Variants in SEC62 observed in about 807,000 individuals in gnomAD.
The protein encoded by SEC62 is SEC62 preprotein translocation factor, also known as translocation protein SEC62.
A neutral mutation model predicts 47.5 loss-of-function variants in SEC62; 10 were observed. The ratio of observed to expected loss-of-function variants is 0.21; its 90% CI spans 0.13 to 0.36. The LOEUF is 0.36. Among genes scored for constraint, SEC62 ranks in the 10% least tolerant of loss-of-function variants. The pLI, the probability that SEC62 is intolerant of heterozygous loss-of-function variation, is 1.00. For missense variants in SEC62, 327 were observed against 464.1 expected (o/e 0.70, Z 2.71); for synonymous variants, 136 against 150.5 (o/e 0.90, Z 0.71).
rs1278262941 is a variant in SEC62 at position 169,992,814 on chromosome 3, A to G, written c.951A>G (p.Lys317=). 2.5e-6 allele frequency: 4 copies of G among 1,614,066 alleles called. No individual in the cohort carries two copies. The highest frequency in any genetic ancestry group is 3.4e-6 in the Non-Finnish European group (4 of 1,180,032). The change falls in exon 8 of 8, where the codon AAA becomes AAG. Residue 317 remains lysine, a synonymous_variant. Transcript: ENST00000337002. This position sits in a 1 kb window ranked among gnomAD's most constrained non-coding sequence, Gnocchi z 4.0. ...SDSEEKSDSE[K]KEDEEGKVGP... is the part of the protein sequence containing the mutation. ...GTGAGGAAAAGTCAGACAGTGAGAAAAAGGAAGATGAGGAGGGGAAAGTAG... is the reference window on the plus strand; with the variant it reads ...GTGAGGAAAAGTCAGACAGTGAGAAGAAGGAAGATGAGGAGGGGAAAGTAG...
rs1416073277 is a variant in SEC62, at chr3:169,997,166, G to A, written c.*4103G>A. On this transcript the variant is annotated 3_prime_UTR_variant, in exon 8 of 8. Coordinates refer to ENST00000337002, the MANE Select transcript of SEC62 (RefSeq NM_003262.4). ...CAGTTAGTTGTGAGTTTCTGAGTAG[G>A]TCCCAATGCGTTTATTTCATTTGTC... 6.6e-6 allele frequency: 1 copy of A among 152,168 alleles called. No homozygotes were observed. Among genetic ancestry groups the A allele is most frequent in the Non-Finnish European group, 1.5e-5 (1 of 68,030 alleles). The allele number at this position is 152,168 out of a possible 1,614,324, so 9.4% of individuals were successfully genotyped here. A position where few individuals can be genotyped will look rare whatever the true frequency, so the allele number is the denominator to read the frequency against.
intron 7 of SEC62, among the ~76,000 whole-genome samples, chr3:169,990,907 G>A (rs1369030453): frequency 2.0e-5 from 3 of 152,034 alleles, no homozygotes; most frequent in East Asian, 1.9e-4. Flanking sequence ...CTTATTTCAG[G>A]CTTTATATGA....
At chr3:169,970,986 C>A (rs1714682826) in intron 1 of SEC62, among the ~76,000 whole-genome samples, 1 of 151,706 alleles carries the variant, frequency 6.6e-6, no homozygotes, top group African/African-American at 2.4e-5. Flanking sequence ...ATCAGGAGAA[C>A]AGTGAAAGTG....
At chr3:169,985,784 G>A (rs368238407) in intron 5 of SEC62, 21 bp from the exon 6 acceptor site, 27 of 1,595,908 alleles carry the variant, frequency 1.7e-5, no homozygotes, top group Admixed American at 1.0e-4. Context: ...TTTAAGCACC[G>A]AGGTTTCTTG....
chr3:169,977,005 G>C lies in SEC62; in HGVS notation c.205G>C (p.Glu69Gln). 6.2e-7 allele frequency: 1 copy of C among 1,611,668 alleles called. No individual in the cohort carries two copies. Among genetic ancestry groups the C allele is most frequent in the Non-Finnish European group, 8.5e-7 (1 of 1,178,420 alleles). ...GTGGGCAAAGGCCAAGAAAGGAGAG[G>C]AAGCTTTATTTACAACCAGGGAGTC... is the stretch of plus-strand genomic sequence containing the variant. ...SKWAKAKKGE[E>Q]ALFTTRESVV... The change falls in exon 3 of 8, where the codon GAA (glutamate) becomes CAA (glutamine). Residue 69 changes from glutamate (E) to glutamine (Q), a missense_variant. This residue lies in a region of SEC62 where 126 missense variants were observed against 161.2 expected (regional missense o/e 0.78). Transcript: ENST00000337002.
chr3:169,987,070 A>G (rs1443361342), intron 6 of SEC62, among the ~76,000 whole-genome samples: 1 of 152,012 alleles, frequency 6.6e-6, no homozygotes, highest in East Asian at 1.9e-4. Flanking sequence ...AAACAGAAAA[A>G]AAAAAAATAG....
chr3:169,972,515 A>C (rs1483981610), intron 1 of SEC62, among the ~76,000 whole-genome samples: 1 of 151,396 alleles, frequency 6.6e-6, no homozygotes, highest in Non-Finnish European at 1.5e-5. Flanking sequence ...ACCAGGGCTC[A>C]GGTGGTCTTC....
At chr3:169,984,966 G>A (rs1715067477) in intron 5 of SEC62, among the ~76,000 whole-genome samples, 1 of 152,090 alleles carries the variant, frequency 6.6e-6, no homozygotes, top group South Asian at 2.1e-4. Flanking sequence ...TGAAGTAGTG[G>A]TTCCCAGCTT....
At position 169,985,794 on chromosome 3, in the gene SEC62, G is replaced by A. The variant is rs1715091821; in HGVS notation, c.550-11G>A. 1 of 1,601,608 alleles carries A rather than the reference G, an allele frequency of 6.2e-7. No homozygotes were observed. Among genetic ancestry groups the A allele is most frequent in the African/African-American group, 1.3e-5 (1 of 74,370 alleles). On this transcript the variant is annotated splice_polypyrimidine_tract_variant and intron_variant, in intron 5 of 7. Transcript: ENST00000337002. ...GAACTTTTAAGCACCGAGGTTTCTT[G>A]ATTCTTCTAGGTGTATGTATGGATC... is the stretch of plus-strand genomic sequence containing the variant.
rs1715323427 is a variant in SEC62, at chr3:169,994,342, C to T, written c.*1279C>T. 1 of 152,570 alleles carries T rather than the reference C, an allele frequency of 6.6e-6. No homozygotes were observed. Among genetic ancestry groups the T allele is most frequent in the South Asian group, 2.1e-4 (1 of 4,826 alleles). The allele number at this position is 152,570 out of a possible 1,614,324, so 9.5% of individuals were successfully genotyped here. ...GAATATTAAATGATTTTTCTTCAGT[C>T]ACAGTGAGAGCATCTTGCTTTGTGG... On this transcript the variant is annotated 3_prime_UTR_variant, in exon 8 of 8. Transcript: ENST00000337002.
intron 1 of SEC62, among the ~76,000 whole-genome samples, chr3:169,970,913 G>T (rs536223253): frequency 6.6e-6 from 1 of 152,274 alleles, no homozygotes; most frequent in African/African-American, 2.4e-5. Context: ...CAAAGAGGGG[G>T]AGGTACTGTA....
intron 1 of SEC62, chr3:169,969,515 GC>G (rs11303790): frequency 0.016 from 5,122 of 325,546 alleles, 272 homozygotes; most frequent in African/African-American, 0.1. Context: ...TTGTTTGGAA[GC>G]CTTTTTCATA....
At chr3:169,967,515 T>A (rs1360093678) in intron 1 of SEC62, among the ~76,000 whole-genome samples, 7 of 152,160 alleles carry the variant, frequency 4.6e-5, no homozygotes, top group Non-Finnish European at 1.5e-5. Flanking sequence ...AACCACAACC[T>A]CGTTGGTGCT....
At chr3:169,971,605 C>G (rs906657100) in intron 1 of SEC62, among the ~76,000 whole-genome samples, 4 of 152,190 alleles carry the variant, frequency 2.6e-5, no homozygotes, top group African/African-American at 7.2e-5. Flanking sequence ...TTGATAGTGC[C>G]TTTACAAAGG....
At chr3:169,969,164 A>T (rs971114891) in intron 1 of SEC62, 7 of 341,064 alleles carry the variant, frequency 2.1e-5, no homozygotes, top group African/African-American at 1.5e-4. Flanking sequence ...GTTTAGAAAG[A>T]TGGTTAATAG....
Position 169,985,862 on chromosome 3 carries a change from C to A in SEC62, c.607C>A (p.Leu203Ile), listed in dbSNP as rs761859410. ...TAAAACATTTGTCATGGGATTAATT[C>A]TTGGTAAGTAGTGAGATGTTAATAG... ...HFKTFVMGLI[L>I]VIAVIAATLF... Residue 203 changes from leucine to isoleucine, a missense_variant, in exon 6 of 8, where the codon CTT becomes ATT. Transcript: ENST00000337002. 2 of 1,608,598 alleles carry A rather than the reference C, an allele frequency of 1.2e-6. No individual in the cohort carries two copies. Among genetic ancestry groups the A allele is most frequent in the Non-Finnish European group, 1.7e-6 (2 of 1,176,094 alleles).
In SEC62 at chr3:169,995,506, A is replaced by G. The variant is rs529794614; in HGVS notation, c.*2443A>G. On this transcript the variant is annotated 3_prime_UTR_variant, in exon 8 of 8. Transcript: ENST00000337002. ...AGGAAGTAATAAATTTTAATATATC[A>G]CATTGAAATTATGCAGTGGTGATGA... is the stretch of plus-strand genomic sequence containing the variant. 2.0e-5 allele frequency: 3 copies of G among 152,302 alleles called. No individual in the cohort carries two copies. Among genetic ancestry groups the G allele is most frequent in the African/African-American group, 7.2e-5 (3 of 41,576 alleles). 9.4% of individuals were successfully genotyped at this position (152,302 alleles called of 1,614,324 possible). A position where few individuals can be genotyped will look rare whatever the true frequency, so the allele number is the denominator to read the frequency against.
At position 169,993,170 on chromosome 3, in the gene SEC62, C is replaced by G; in HGVS notation, c.*107C>G. 1.2e-6 allele frequency: 1 copy of G among 804,026 alleles called. No individual in the cohort carries two copies. The highest frequency in any genetic ancestry group is 2.0e-6 in the Non-Finnish European group (1 of 512,680). 49.8% of individuals were successfully genotyped at this position (804,026 alleles called of 1,614,324 possible). ...CATTTGTAGCATTCTTTAAATCTAT[C>G]TACTGAAATGTATTTGACATTCAAG... On this transcript the variant is annotated 3_prime_UTR_variant, in exon 8 of 8. Coordinates refer to ENST00000337002, the MANE Select transcript of SEC62 (RefSeq NM_003262.4).
At chr3:169,975,096 C>T (rs1001045399) in intron 1 of SEC62, among the ~76,000 whole-genome samples, 2 of 152,058 alleles carry the variant, frequency 1.3e-5, no homozygotes, top group Non-Finnish European at 2.9e-5. Context: ...CCCTAGCCAA[C>T]GTGGCGAAAC....
Sources: gnomAD v4.1 joint callset for allele counts (sites outside exome capture counted in the v4.1 genomes callset) on GRCh38, gnomAD v4.1.1 for gene constraint, gnomAD v4.1.1 regional missense constraint, Gnocchi (gnomAD v3.1) non-coding constraint, MANE v1.5 for transcripts, NCBI Gene and HGNC (gene_info 2026-07-23, HGNC 2026-07-21) for gene names.